AKAP19: variants seen among roughly 807,000 people sequenced by gnomAD.
AKAP19 encodes A-kinase anchoring protein 19, also known as small A-kinase anchoring protein.
the AKAP19 span, among the ~76,000 whole-genome samples, chr2:190,009,559 T>G: frequency 6.6e-6 from 1 of 152,128 alleles, no homozygotes; most frequent in African/African-American, 2.4e-5. Context: ...TGGAGCAGCT[T>G]TGGAAGGAAA....
At chr2:190,060,560 A>G in the AKAP19 span, 1 of 824,916 alleles carries the variant, frequency 1.2e-6, no homozygotes, top group Non-Finnish European at 1.9e-6. Context: ...TTTAAAATGA[A>G]ATACCGTGTG....
the AKAP19 span, among the ~76,000 whole-genome samples, chr2:190,084,873 A>C: frequency 0.12 from 17,600 of 152,304 alleles, 1,087 homozygotes; most frequent in Middle Eastern, 0.16. Context: ...GGACAGATGG[A>C]GGGAATGCTG....
chr2:190,038,977 C>CTTCT, the AKAP19 span, among the ~76,000 whole-genome samples: 1 of 138,144 alleles, frequency 7.2e-6, no homozygotes. Flanking sequence ...CTTCTTTCTT[C>CTTCT]TTCTTCTTCC....
At chr2:190,010,028 A>C in the AKAP19 span, among the ~76,000 whole-genome samples, 1 of 152,250 alleles carries the variant, frequency 6.6e-6, no homozygotes, top group Non-Finnish European at 1.5e-5. Context: ...TAAAGGCCAA[A>C]AATACATTTA....
At chr2:189,936,946 G>A in the AKAP19 span, among the ~76,000 whole-genome samples, 6 of 152,046 alleles carry the variant, frequency 3.9e-5, no homozygotes, top group African/African-American at 9.7e-5. Flanking sequence ...GCAACATAGC[G>A]AGACCCCTGT....
chr2:190,057,197 CA>C, the AKAP19 span: 197 of 1,596,894 alleles, frequency 1.2e-4, 1 homozygote, highest in Middle Eastern at 1.7e-3. Context: ...TTCACAGCTT[CA>C]AAATTGTTGA....
At chr2:189,946,264 T>C in the AKAP19 span, among the ~76,000 whole-genome samples, 1 of 152,232 alleles carries the variant, frequency 6.6e-6, no homozygotes, top group African/African-American at 2.4e-5. Context: ...TAAAAGATAC[T>C]TTTGTTTCTG....
the AKAP19 span, among the ~76,000 whole-genome samples, chr2:189,961,280 C>A: frequency 6.6e-6 from 1 of 151,982 alleles, no homozygotes; most frequent in Non-Finnish European, 1.5e-5. Context: ...GTGGAGAGGG[C>A]CAGGAGAAGG....
chr2:190,070,614 T>TCC, the AKAP19 span, among the ~76,000 whole-genome samples: 950 of 119,030 alleles, frequency 8.0e-3, 23 homozygotes, highest in African/African-American at 0.027. Context: ...TCCCTCTCTC[T>TCC]CCCCCCCCCC....
chr2:190,092,946 G>A, the AKAP19 span, among the ~76,000 whole-genome samples: 1 of 152,138 alleles, frequency 6.6e-6, no homozygotes, highest in Admixed American at 6.5e-5. Context: ...AGAAGCAGAG[G>A]AAAAGGGAAA....
At chr2:189,939,521 C>T in the AKAP19 span, among the ~76,000 whole-genome samples, 8 of 152,244 alleles carry the variant, frequency 5.3e-5, no homozygotes, top group East Asian at 7.7e-4. Context: ...CATCCAAAGA[C>T]GCAGACATAC....
At chr2:190,135,371 C>T in the AKAP19 span, among the ~76,000 whole-genome samples, 5 of 152,280 alleles carry the variant, frequency 3.3e-5, no homozygotes, top group Middle Eastern at 3.4e-3. Flanking sequence ...TCATCCTATA[C>T]CTATTCAATA....
At chr2:189,998,088 T>C in the AKAP19 span, among the ~76,000 whole-genome samples, 1 of 152,234 alleles carries the variant, frequency 6.6e-6, no homozygotes, top group African/African-American at 2.4e-5. Flanking sequence ...CCAGTGAGTA[T>C]GTGTTTTTGG....
At chr2:189,938,338 A>G in the AKAP19 span, among the ~76,000 whole-genome samples, 1 of 143,964 alleles carries the variant, frequency 6.9e-6, no homozygotes, top group Admixed American at 6.9e-5. Context: ...TCCATCTCCA[A>G]AAAAAAAAAA....
chr2:189,998,148 G>T, the AKAP19 span, among the ~76,000 whole-genome samples: 1,090 of 152,228 alleles, frequency 7.2e-3, 11 homozygotes, highest in African/African-American at 0.025. Context: ...TTTTTTGTCT[G>T]TCTTACAGAA....
chr2:190,003,855 A>C, the AKAP19 span, among the ~76,000 whole-genome samples: 2 of 151,968 alleles, frequency 1.3e-5, no homozygotes, highest in African/African-American at 4.8e-5. Context: ...CGACAGAGTG[A>C]GACTCTGTAT....
chr2:190,037,972 C>T, the AKAP19 span, among the ~76,000 whole-genome samples: 1 of 152,102 alleles, frequency 6.6e-6, no homozygotes, highest in Admixed American at 6.5e-5. Flanking sequence ...TGTCCCTCCA[C>T]CCCCATGTTG....
the AKAP19 span, among the ~76,000 whole-genome samples, chr2:189,939,700 A>G: frequency 6.6e-6 from 1 of 152,258 alleles, no homozygotes; most frequent in Non-Finnish European, 1.5e-5. Context: ...AACTTATGAG[A>G]TAATTTAACA....
At chr2:189,957,155 C>T in the AKAP19 span, among the ~76,000 whole-genome samples, 1 of 152,126 alleles carries the variant, frequency 6.6e-6, no homozygotes, top group Non-Finnish European at 1.5e-5. Flanking sequence ...GCCTGGGCAA[C>T]AGAGGGGGAC....
Sources: gnomAD v4.1 joint callset for allele counts (sites outside exome capture counted in the v4.1 genomes callset) on GRCh38, gnomAD v4.1.1 for gene constraint, MANE v1.5 for transcripts, NCBI Gene and HGNC (gene_info 2026-07-23, HGNC 2026-07-21) for gene names.